PTPRD: variants seen among roughly 807,000 people sequenced by gnomAD.
PTPRD encodes the protein protein tyrosine phosphatase receptor type D.
A neutral mutation model predicts 214.5 loss-of-function variants in PTPRD; 34 were observed. The ratio of observed to expected loss-of-function variants is 0.16; its 90% CI spans 0.12 to 0.21. The LOEUF (loss-of-function observed/expected upper bound fraction) is 0.21. Among genes scored for constraint, PTPRD ranks in the 10% least tolerant of loss-of-function variants. The pLI, the probability that PTPRD is intolerant of heterozygous loss-of-function variation, is 1.00. For synonymous variants in PTPRD, 1,128 were observed against 845.7 expected (o/e 1.33, Z -5.79); for missense variants, 2,545 against 2,398.7 (o/e 1.06, Z -1.27).
chr9:8,495,579 G>T (rs1219852125), intron 26 of PTPRD, among the ~76,000 whole-genome samples: 5 of 152,092 alleles, frequency 3.3e-5, no homozygotes, highest in African/African-American at 4.8e-5. Flanking sequence ...TTTAAACAAA[G>T]AAACAAACAA....
chr9:9,655,088 A>C (rs986343187), intron 7 of PTPRD, among the ~76,000 whole-genome samples: 24 of 152,146 alleles, frequency 1.6e-4, no homozygotes, highest in African/African-American at 5.8e-4. Flanking sequence ...TATTTATTCT[A>C]AACCTATTTT....
At chr9:8,732,070 G>A (rs2098665566) in intron 12 of PTPRD, among the ~76,000 whole-genome samples, 1 of 152,208 alleles carries the variant, frequency 6.6e-6, no homozygotes, top group African/African-American at 2.4e-5. Context: ...CACAGCATAA[G>A]AAGTGTGATG....
At chr9:9,005,111 T>C (rs1366760086) in intron 11 of PTPRD, among the ~76,000 whole-genome samples, 2 of 152,084 alleles carry the variant, frequency 1.3e-5, no homozygotes, top group East Asian at 1.9e-4. Context: ...AGTTTTGCTA[T>C]GGCTATAGTC....
chr9:10,550,659 T>A (rs545315654), intron 2 of PTPRD, among the ~76,000 whole-genome samples: 4 of 152,190 alleles, frequency 2.6e-5, no homozygotes, highest in African/African-American at 7.2e-5. Flanking sequence ...CACATACACT[T>A]TGGAGCTGAG....
chr9:8,963,028 G>A (rs539655572), intron 11 of PTPRD: 44 of 152,042 alleles, frequency 2.9e-4, no homozygotes, highest in African/African-American at 1.0e-3. Context: ...AGAGTAAAAT[G>A]TATAAAATAT....
chr9:10,487,919 G>T (rs2099143097), intron 2 of PTPRD, among the ~76,000 whole-genome samples: 1 of 149,350 alleles, frequency 6.7e-6, no homozygotes, highest in African/African-American at 2.5e-5. Flanking sequence ...TGAATTACCA[G>T]GTAGAGACTC....
intron 2 of PTPRD, among the ~76,000 whole-genome samples, chr9:10,349,447 G>C (rs1043844308): frequency 6.6e-6 from 1 of 152,030 alleles, no homozygotes; most frequent in Admixed American, 6.6e-5. Context: ...GTTCCCATCT[G>C]TCATACCTAA....
At chr9:10,127,773 T>C (rs2098830760) in intron 3 of PTPRD, among the ~76,000 whole-genome samples, 1 of 152,154 alleles carries the variant, frequency 6.6e-6, no homozygotes, top group South Asian at 2.1e-4. Flanking sequence ...ACTACTGCAA[T>C]AATCTATTTT....
chr9:9,827,408 A>G (rs2053299547), intron 5 of PTPRD, among the ~76,000 whole-genome samples: 1 of 152,214 alleles, frequency 6.6e-6, no homozygotes, highest in East Asian at 1.9e-4. Context: ...CAATGGGGAA[A>G]GGATTCCCTA....
At chr9:8,331,438 AAAGAG>A (rs1196108005) in intron 44 of PTPRD, 139 bp downstream of exon 44, 33 of 969,934 alleles carry the variant, frequency 3.4e-5, no homozygotes, top group African/African-American at 1.4e-4. Context: ...TTATGAAAAG[AAAGAG>A]AAATCAATCC....
At chr9:10,140,022 C>T (rs1377730555) in intron 3 of PTPRD, among the ~76,000 whole-genome samples, 1 of 151,860 alleles carries the variant, frequency 6.6e-6, no homozygotes, top group African/African-American at 2.4e-5. Flanking sequence ...GCAACAAAAA[C>T]AAAAATTAAC....
chr9:9,047,530 G>A (rs1355387681), intron 10 of PTPRD, among the ~76,000 whole-genome samples: 1 of 152,042 alleles, frequency 6.6e-6, no homozygotes, highest in Non-Finnish European at 1.5e-5. Context: ...AACCATCATA[G>A]TACTGGCATA....
intron 11 of PTPRD, among the ~76,000 whole-genome samples, chr9:8,758,243 C>G (rs1393424278): frequency 6.6e-6 from 1 of 152,130 alleles, no homozygotes; most frequent in Admixed American, 6.5e-5. Flanking sequence ...TCATGCCCTA[C>G]AGAATATAAT....
intron 9 of PTPRD, among the ~76,000 whole-genome samples, chr9:9,324,280 G>A (rs1968513376): frequency 6.6e-6 from 1 of 152,144 alleles, no homozygotes; most frequent in African/African-American, 2.4e-5. Context: ...CTTCCGCAGT[G>A]GTTGAACTAG....
chr9:8,555,769 A>G (rs1035088672), intron 14 of PTPRD, among the ~76,000 whole-genome samples: 3 of 152,190 alleles, frequency 2.0e-5, no homozygotes, highest in African/African-American at 7.2e-5. Flanking sequence ...ACATCTAGAA[A>G]GAGAGTCTAC....
chr9:10,209,320 A>T (rs2099503409), intron 3 of PTPRD, among the ~76,000 whole-genome samples: 1 of 152,190 alleles, frequency 6.6e-6, no homozygotes, highest in Non-Finnish European at 1.5e-5. Context: ...AATTTTTGAA[A>T]ATGAAAAATA....
Position 8,989,509 on chromosome 9 carries a change from C to T in PTPRD, c.-104+29188G>A, listed in dbSNP as rs1012700620. Among the ~76,000 whole-genome samples, 12 of 151,990 alleles carry T rather than the reference C, an allele frequency of 7.9e-5. 1 individual carries two copies. The highest frequency in any genetic ancestry group is 1.7e-4 in the African/African-American group (7 of 41,402). On this transcript the variant is annotated intron_variant, in intron 11 of 45. Coordinates refer to ENST00000381196, the MANE Select transcript of PTPRD (RefSeq NM_002839.4). ...CACTTACTATAATGACCTCCAGTTC[C>T]GTCAATGTTCCTGGAAATGACAAGA...
intron 39 of PTPRD, among the ~76,000 whole-genome samples, chr9:8,364,489 G>C (rs2079288757): frequency 6.6e-6 from 1 of 152,188 alleles, no homozygotes; most frequent in African/African-American, 2.4e-5. Context: ...TAGCTGATGG[G>C]CCTCCCAAGC....
intron 3 of PTPRD, among the ~76,000 whole-genome samples, chr9:10,101,761 C>T (rs1010261859): frequency 6.6e-6 from 1 of 151,682 alleles, no homozygotes; most frequent in African/African-American, 2.4e-5. Context: ...CTCAACTGTA[C>T]TCAGTAAGAG....
Sources: allele counts gnomAD v4.1 joint callset (sites outside exome capture counted in the v4.1 genomes callset), GRCh38; gene constraint gnomAD v4.1.1; transcripts MANE v1.5; gene names NCBI Gene and HGNC (gene_info 2026-07-23, HGNC 2026-07-21).